PCDHA12: variants seen among roughly 807,000 people sequenced by gnomAD.
PCDHA12 encodes protocadherin alpha 12, also known as protocadherin alpha-12.
A neutral mutation model predicts 60.0 loss-of-function variants in PCDHA12; 44 were observed. That is an observed-to-expected ratio of 0.73 (90% confidence interval 0.58 to 0.94). The LOEUF (loss-of-function observed/expected upper bound fraction) is 0.94. Among genes scored for constraint, PCDHA12 ranks in the 40% least tolerant of loss-of-function variants. The pLI, the probability that PCDHA12 is intolerant of heterozygous loss-of-function variation, is 0.00. For missense variants in PCDHA12, 1,276 were observed against 1,239.7 expected, an observed-to-expected ratio of 1.03 and a Z score of -0.44; for synonymous variants, 569 against 553.0, an observed-to-expected ratio of 1.03 and a Z score of -0.40.
At chr5:140,933,036 A>G (rs545196190) in intron 1 of PCDHA12, among the ~76,000 whole-genome samples, 5 of 152,154 alleles carry the variant, frequency 3.3e-5, no homozygotes, top group South Asian at 4.1e-4. Context: ...CTTCAAGTGA[A>G]TATGGATTAC....
In PCDHA12 at chr5:140,875,510, G is replaced by T. The variant is rs186070067; in HGVS notation, c.38G>T (p.Arg13Leu). The stretch of plus-strand genomic sequence containing the variant: ...GGACCAAGAGGCCCGGGATCCCAGC[G>T]TCTGCTGCTCTCGCTTCTGCTCCTT... ...IIGPRGPGSQ[R>L]LLLSLLLLAA... Residue 13 changes from arginine (R) to leucine (L), a missense_variant, in exon 1 of 4, where the codon CGT becomes CTT. Transcript: ENST00000398631. 1.2e-5 allele frequency: 19 copies of T among 1,613,812 alleles called. No homozygotes were observed. Among genetic ancestry groups the T allele is most frequent in the Non-Finnish European group, 1.6e-5 (19 of 1,179,784 alleles).
Position 140,980,554 on chromosome 5 carries a change from C to T in PCDHA12, c.2426+1547C>T, listed in dbSNP as rs1283128844. Among the ~76,000 whole-genome samples, 9 of 152,008 alleles carry T rather than the reference C, an allele frequency of 5.9e-5. No individual in the cohort carries two copies. The South Asian group carries it at 1.5e-3, about 25-fold the overall frequency. On this transcript the variant is annotated intron_variant, in intron 2 of 3. Transcript: ENST00000398631. ...CTGAGGCAGGAGAATCGCTTGAACC[C>T]GGGAGGCGGAAGTTGCAGTGAGCCA...
At position 140,895,904 on chromosome 5, in the gene PCDHA12, C is replaced by A. The variant is rs956599707; in HGVS notation, c.2367+18065C>A. Among the ~76,000 whole-genome samples, 7 of 152,138 alleles carry A rather than the reference C, an allele frequency of 4.6e-5. No homozygotes were observed. In the South Asian group the frequency reaches 1.5e-3, roughly 32 times the overall value. On this transcript the variant is annotated intron_variant, in intron 1 of 3. Transcript: ENST00000398631. ...TCGGCTCACTGCAACCTCCGCGTCC[C>A]GGGCTCAACAATTATCCTGCCTCAG...
intron 1 of PCDHA12, among the ~76,000 whole-genome samples, chr5:140,879,506 A>T (rs1156992401): frequency 1.3e-5 from 2 of 152,224 alleles, no homozygotes; most frequent in Non-Finnish European, 2.9e-5. Context: ...CTCAGAAGAG[A>T]TTATTGATAT....
intron 3 of PCDHA12, among the ~76,000 whole-genome samples, chr5:140,984,164 A>T (rs1471799520): frequency 6.6e-6 from 1 of 152,208 alleles, no homozygotes; most frequent in African/African-American, 2.4e-5. Flanking sequence ...GAACTTCCCA[A>T]AGAAGCCACG....
chr5:140,975,983 T>A (rs975014640), intron 1 of PCDHA12, among the ~76,000 whole-genome samples: 31 of 152,290 alleles, frequency 2.0e-4, no homozygotes, highest in Admixed American at 2.0e-3. Flanking sequence ...AGCATAGTCC[T>A]GGGAGGTACC....
Position 141,009,778 on chromosome 5 carries a change from C to T in PCDHA12, c.2667C>T (p.Ser889=). Residue 889 remains serine, a synonymous_variant, in exon 4 of 4, where the codon TCC becomes TCT. Transcript: ENST00000398631. ...FIIPGSPAII[S]IRQEPTNSQI... ...TCCCAGGATCTCCTGCAATCATCTCCATCCGGCAGGAGCCTACTAACAGCC... is the reference window on the plus strand; with the variant it reads ...TCCCAGGATCTCCTGCAATCATCTCTATCCGGCAGGAGCCTACTAACAGCC... 1.2e-6 allele frequency: 2 copies of T among 1,614,122 alleles called. No homozygotes were observed.
At chr5:140,967,936 T>G in intron 1 of PCDHA12, 1 of 1,614,226 alleles carries the variant, frequency 6.2e-7, no homozygotes, top group Non-Finnish European at 8.5e-7. Flanking sequence ...TCAGTGTCAA[T>G]GACCAAGACT....
intron 1 of PCDHA12, among the ~76,000 whole-genome samples, chr5:140,975,016 G>C (rs782435284): frequency 6.6e-6 from 1 of 152,128 alleles, no homozygotes; most frequent in Non-Finnish European, 1.5e-5. Context: ...AACACAGCTG[G>C]GCTGTGTTGT....
intron 1 of PCDHA12, among the ~76,000 whole-genome samples, chr5:140,886,739 T>C (rs1411142692): frequency 6.6e-6 from 1 of 151,488 alleles, no homozygotes; most frequent in Non-Finnish European, 1.5e-5. Context: ...AGCAAGAGAA[T>C]TGCTTGAACC....
At position 141,012,295 on chromosome 5, in the gene PCDHA12, T is replaced by C. The variant is rs2098423507; in HGVS notation, c.*2358T>C. ...GTCATGTGGATTCATTTTGAATTGG[T>C]GCTATTGGTATTTCCTCTGTTATTG... On this transcript the variant is annotated 3_prime_UTR_variant, in exon 4 of 4. Coordinates refer to ENST00000398631, the MANE Select transcript of PCDHA12 (RefSeq NM_018903.4). 6.5e-6 allele frequency: 1 copy of C among 153,776 alleles called. No homozygotes were observed. The highest frequency in any genetic ancestry group is 2.4e-5 in the African/African-American group (1 of 41,466). 9.5% of individuals were successfully genotyped at this position (153,776 alleles called of 1,614,324 possible).
chr5:140,880,614 GGGA>G (rs2058396473), intron 1 of PCDHA12, among the ~76,000 whole-genome samples: 1 of 152,182 alleles, frequency 6.6e-6, no homozygotes, highest in South Asian at 2.1e-4. Context: ...GTAAGCAAGA[GGGA>G]GGAGTTAATT....
At position 141,010,190 on chromosome 5, in the gene PCDHA12, CCTTT is replaced by C. The variant is rs763940360; in HGVS notation, c.*256_*259del. On this transcript the variant is annotated 3_prime_UTR_variant, in exon 4 of 4. Coordinates refer to ENST00000398631, the MANE Select transcript of PCDHA12 (RefSeq NM_018903.4). ...GAACCTAAAAAGCAGACCCAAGTTT[CCTTT>C]CTCCTCCGCCGCAAAGGAGAGGCTT... 6.4e-7 allele frequency: 1 copy of C among 1,552,504 alleles called. No individual in the cohort carries two copies. Among genetic ancestry groups the C allele is most frequent in the Non-Finnish European group, 8.7e-7 (1 of 1,147,234 alleles).
intron 1 of PCDHA12, among the ~76,000 whole-genome samples, chr5:140,900,353 C>T (rs1426808430): frequency 6.6e-6 from 1 of 152,092 alleles, no homozygotes; most frequent in Non-Finnish European, 1.5e-5. Flanking sequence ...TCTTGGCTCA[C>T]CGCAACCTCT....
At chr5:140,886,759 G>A (rs541111444) in intron 1 of PCDHA12, among the ~76,000 whole-genome samples, 221 of 150,566 alleles carry the variant, frequency 1.5e-3, no homozygotes, top group Non-Finnish European at 2.7e-3. Flanking sequence ...CCGGGAGGTG[G>A]AGGTTGCAGT....
At chr5:140,950,195 C>A (rs186601471) in intron 1 of PCDHA12, among the ~76,000 whole-genome samples, 1 of 152,028 alleles carries the variant, frequency 6.6e-6, no homozygotes, top group Non-Finnish European at 1.5e-5. Context: ...AAAAAATAGT[C>A]ATTTCTGTTT....
chr5:141,006,869 C>T (rs190273260), intron 3 of PCDHA12, among the ~76,000 whole-genome samples: 50 of 152,182 alleles, frequency 3.3e-4, no homozygotes, highest in African/African-American at 1.0e-3. Flanking sequence ...GGAATAGATT[C>T]GAGGAATCAA....
Position 141,012,063 on chromosome 5 carries a change from T to C in PCDHA12, c.*2126T>C, listed in dbSNP as rs948658172. ...TGGGGTAAAACTTGTTACCAACACATGTGAACCATTGCTACATTGTAGGTT... is the reference window on the plus strand; with the variant it reads ...TGGGGTAAAACTTGTTACCAACACACGTGAACCATTGCTACATTGTAGGTT... On this transcript the variant is annotated 3_prime_UTR_variant, in exon 4 of 4. Transcript: ENST00000398631. The C allele has an allele frequency of 1.3e-5, 2 of 153,778 alleles. No individual in the cohort carries two copies. The highest frequency in any genetic ancestry group is 3.8e-4 in the East Asian group (2 of 5,196). The allele number at this position is 153,778 out of a possible 1,614,324, so 9.5% of individuals were successfully genotyped here. A position where few individuals can be genotyped will look rare whatever the true frequency, so the allele number is the denominator to read the frequency against.
chr5:140,943,830 G>C (rs1245752469), intron 1 of PCDHA12, among the ~76,000 whole-genome samples: 1 of 152,198 alleles, frequency 6.6e-6, no homozygotes, highest in Non-Finnish European at 1.5e-5. Context: ...TGAGTTGATT[G>C]AAGTTGTAAG....
Sources: gnomAD v4.1 joint callset for allele counts (sites outside exome capture counted in the v4.1 genomes callset) on GRCh38, gnomAD v4.1.1 for gene constraint, MANE v1.5 for transcripts, NCBI Gene and HGNC (gene_info 2026-07-23, HGNC 2026-07-21) for gene names.